Variants in SLC25A30 observed in about 807,000 individuals in gnomAD.
SLC25A30 encodes kidney mitochondrial carrier protein 1.
A neutral mutation model predicts 42.7 loss-of-function variants in SLC25A30; 29 were observed. The ratio of observed to expected loss-of-function variants is 0.68; its 90% CI spans 0.51 to 0.93. The LOEUF (loss-of-function observed/expected upper bound fraction) is 0.93. Among genes scored for constraint, SLC25A30 ranks in the 40% least tolerant of loss-of-function variants. The probability of loss-of-function intolerance (pLI) is 0.00; values close to 1 mark genes in which losing one functional copy is unlikely to be tolerated. For missense variants in SLC25A30, 300 were observed against 359.7 expected, an observed-to-expected ratio of 0.83 and a Z score of 1.34; for synonymous variants, 124 against 131.0, an observed-to-expected ratio of 0.95 and a Z score of 0.37.
At chr13:45,402,431 A>G (rs1593607405) in intron 5 of SLC25A30, 61 bp from the exon 6 acceptor site, 18 of 1,301,018 alleles carry the variant, frequency 1.4e-5, no homozygotes, top group East Asian at 4.6e-5. Context: ...CCCACAACCA[A>G]TGTATACCTC....
In SLC25A30 at chr13:45,394,092, T is replaced by A; in HGVS notation, c.*1882A>T. 3.0e-6 allele frequency: 3 copies of A among 985,394 alleles called. No individual in the cohort carries two copies. The highest frequency in any genetic ancestry group is 3.6e-6 in the Non-Finnish European group (3 of 829,920). The allele number at this position is 985,394 out of a possible 1,614,324, so 61.0% of individuals were successfully genotyped here. A position where few individuals can be genotyped will look rare whatever the true frequency, so the allele number is the denominator to read the frequency against. On this transcript the variant is annotated 3_prime_UTR_variant, in exon 10 of 10. Coordinates refer to ENST00000519676, the MANE Select transcript of SLC25A30 (RefSeq NM_001010875.4). Reference sequence around the variant, plus strand: ...TCTTTATAAAATCAATGGAATGTTTTGGAAAGAAGAAAAAATCCTAAGGTG... The same window carrying A: ...TCTTTATAAAATCAATGGAATGTTTAGGAAAGAAGAAAAAATCCTAAGGTG...
At chr13:45,425,901 C>T in the SLC25A30 span, among the ~76,000 whole-genome samples, 1 of 146,736 alleles carries the variant, frequency 6.8e-6, no homozygotes, top group East Asian at 2.0e-4. Context: ...TCATGTTGGC[C>T]AGGCTGGTCT....
rs1882455428 is a variant in SLC25A30, at chr13:45,405,900, A to G, written c.290T>C (p.Phe97Ser). 6.2e-7 allele frequency: 1 copy of G among 1,614,050 alleles called. No homozygotes were observed. The highest frequency in any genetic ancestry group is 1.7e-5 in the Admixed American group (1 of 60,002). Residue 97 changes from phenylalanine to serine, a missense_variant, in exon 4 of 10, where the codon TTC (phenylalanine) becomes TCC (serine). By Grantham distance (155) the Phe-to-Ser change is radical. Coordinates refer to ENST00000519676, the MANE Select transcript of SLC25A30 (RefSeq NM_001010875.4). ...IGTYQSLKRL[F>S]IERPEDETLP... ...CCACTCACCTTCTGGGCGTTCAATG[A>G]ATAGTCGCTTCAAGCTCTGGTAAGT...
chr13:45,414,150 G>C (rs75354708), intron 1 of SLC25A30, among the ~76,000 whole-genome samples: 1 of 152,156 alleles, frequency 6.6e-6, no homozygotes, highest in Admixed American at 6.5e-5. Context: ...TTAAAAGTTA[G>C]CTAGTCAGGA....
the SLC25A30 span, among the ~76,000 whole-genome samples, chr13:45,431,664 G>A: frequency 2.0e-5 from 3 of 151,738 alleles, no homozygotes; most frequent in East Asian, 1.9e-4. Flanking sequence ...GATTACAGGC[G>A]TGAGCCACCG....
chr13:45,418,958 A>AAAC (rs1566218136), upstream of SLC25A30, among the ~76,000 whole-genome samples: 1 of 78,684 alleles, frequency 1.3e-5, no homozygotes, highest in Non-Finnish European at 2.5e-5. Flanking sequence ...AAAAAAAAAA[A>AAAC]AAAAAAAAAA....
the SLC25A30 span, among the ~76,000 whole-genome samples, chr13:45,423,593 AT>A: frequency 3.9e-5 from 1 of 25,684 alleles, no homozygotes; most frequent in East Asian, 6.5e-4. Context: ...ATATATAAAT[AT>A]ATATATATAT....
Position 45,394,005 on chromosome 13 carries a change from A to G in SLC25A30, c.*1969T>C, listed in dbSNP as rs3210286. 553,724 of 984,454 alleles carry G rather than the reference A, an allele frequency of 0.56. 157,645 individuals carry two copies. The highest frequency in any genetic ancestry group is 0.69 in the African/African-American group (39,595 of 57,268). 61.0% of individuals were successfully genotyped at this position (984,454 alleles called of 1,614,324 possible). On this transcript the variant is annotated 3_prime_UTR_variant, in exon 10 of 10. Transcript: ENST00000519676. ...AATTTTTCTACATTAAAAAAAGAGC[A>G]TTTCAAGAAAAGCAATCTTTAAACT... is the stretch of plus-strand genomic sequence containing the variant.
upstream of SLC25A30, among the ~76,000 whole-genome samples, chr13:45,423,221 C>A (rs750451861): frequency 3.3e-5 from 5 of 151,848 alleles, no homozygotes; most frequent in Admixed American, 1.3e-4. Flanking sequence ...GTCAAATTGT[C>A]TGTCCCTTCC....
At chr13:45,426,523 G>C in the SLC25A30 span, among the ~76,000 whole-genome samples, 1 of 152,182 alleles carries the variant, frequency 6.6e-6, no homozygotes, top group African/African-American at 2.4e-5. Flanking sequence ...TGATCCCTAC[G>C]TGAACCTTTA....
At chr13:45,431,282 A>G in the SLC25A30 span, among the ~76,000 whole-genome samples, 3,881 of 3,886 alleles carry the variant, frequency 1, 1,938 homozygotes, top group Middle Eastern at 1. Flanking sequence ...CCTAGCCTCA[A>G]GTGATCTGCC....
the SLC25A30 span, among the ~76,000 whole-genome samples, chr13:45,423,483 C>T: frequency 3.7e-5 from 5 of 134,340 alleles, no homozygotes; most frequent in East Asian, 2.1e-4. Flanking sequence ...TAGCCTGTCT[C>T]GGTATAGCCC....
chr13:45,405,837 G>T (rs772346837), intron 4 of SLC25A30, 46 bp downstream of exon 4: 1 of 1,576,584 alleles, frequency 6.3e-7, no homozygotes, highest in Admixed American at 1.7e-5. Context: ...TAAAAAGACA[G>T]ACAACCAACC....
Position 45,416,135 on chromosome 13 carries a change from C to T in SLC25A30, c.-56+2165G>A, listed in dbSNP as rs546668091. On this transcript the variant is annotated intron_variant, in intron 1 of 9. Coordinates refer to ENST00000519676, the MANE Select transcript of SLC25A30 (RefSeq NM_001010875.4). ...AGTTAAAAACAAAACAGGCCGGGCA[C>T]GGTGGCTCATGCCTGTAATCCTAGC... Among the ~76,000 whole-genome samples the T allele has an allele frequency of 1.6e-3, 246 of 149,838 alleles. 2 individuals are homozygous for T. The highest frequency in any genetic ancestry group is 2.7e-3 in the South Asian group (12 of 4,406).
intron 5 of SLC25A30, 71 bp from the exon 6 acceptor site, chr13:45,402,441 C>T (rs1882087057): frequency 8.2e-7 from 1 of 1,215,106 alleles, no homozygotes; most frequent in South Asian, 1.2e-5. Flanking sequence ...ATGTATACCT[C>T]TGACAGTCAG....
chr13:45,423,806 A>T, the SLC25A30 span, among the ~76,000 whole-genome samples: 5 of 65,522 alleles, frequency 7.6e-5, 1 homozygote, highest in African/African-American at 1.8e-4. Context: ...ATATATTTAT[A>T]TATATAAAAA....
chr13:45,398,827 T>C (rs1382991702), intron 8 of SLC25A30, 113 bp downstream of exon 8: 2 of 1,187,138 alleles, frequency 1.7e-6, no homozygotes, highest in Non-Finnish European at 2.4e-6. Flanking sequence ...TGTACATCTC[T>C]GGGCTTTAAA....
intron 1 of SLC25A30, among the ~76,000 whole-genome samples, chr13:45,415,393 T>A (rs1221305145): frequency 6.6e-6 from 1 of 152,126 alleles, no homozygotes; most frequent in Non-Finnish European, 1.5e-5. Context: ...GGCAGGGAAT[T>A]CTATACATTC....
At chr13:45,402,115 G>T (rs1413734578) in intron 6 of SLC25A30, among the ~76,000 whole-genome samples, 160 bp downstream of exon 6, 1 of 148,336 alleles carries the variant, frequency 6.7e-6, no homozygotes. Flanking sequence ...CCATTTTATA[G>T]ATAGGGAAAT....
Sources: gnomAD v4.1 joint callset for allele counts (sites outside exome capture counted in the v4.1 genomes callset) on GRCh38, gnomAD v4.1.1 for gene constraint, MANE v1.5 for transcripts, NCBI Gene and HGNC (gene_info 2026-07-23, HGNC 2026-07-21) for gene names.